Variants in TENM1 observed in about 807,000 individuals in gnomAD.
TENM1 encodes teneurin transmembrane protein 1.
A neutral mutation model predicts 174.8 loss-of-function variants in TENM1; 35 were observed. That is an observed-to-expected ratio of 0.20 (90% CI 0.15 to 0.27). TENM1 has a LOEUF of 0.27. Ranked by LOEUF, TENM1 falls within the 10% of genes least tolerant of loss-of-function variation. The probability of loss-of-function intolerance (pLI) is 1.00; values close to 1 mark genes in which losing one functional copy is unlikely to be tolerated. For missense variants in TENM1, 1,633 were observed against 2,130.1 expected, an observed-to-expected ratio of 0.77 and a Z score of 4.59; for synonymous variants, 781 against 798.7, an observed-to-expected ratio of 0.98 and a Z score of 0.37.
At chrX:125,005,201 C>G in the TENM1 span, among the ~76,000 whole-genome samples, 126 of 101,511 alleles carry the variant, frequency 1.2e-3, 1 homozygote, top group Non-Finnish European at 1.8e-3. Context: ...CACACACACA[C>G]ACACACACAC....
intron 31 of TENM1, 40 bp downstream of exon 34, chrX:124,382,630 G>A (rs1209266623): frequency 8.5e-7 from 1 of 1,178,944 alleles, no homozygotes; most frequent in Admixed American, 2.4e-5. Context: ...ATGCCCTTCT[G>A]TTGTTTCAGC....
At chrX:124,390,239 C>T (rs1050326932) in intron 28 of TENM1, among the ~76,000 whole-genome samples, 1 of 112,559 alleles carries the variant, frequency 8.9e-6, no homozygotes, top group Non-Finnish European at 1.9e-5. Flanking sequence ...ACAATAAAAT[C>T]TCCTCATTGG....
At chrX:124,564,904 C>T (rs1173988714) in intron 12 of TENM1, among the ~76,000 whole-genome samples, 1 of 111,061 alleles carries the variant, frequency 9.0e-6, no homozygotes, top group Non-Finnish European at 1.9e-5. Context: ...GTCAGAAGTG[C>T]CTTCCTCATA....
chrX:124,880,080 A>G (rs2057277253), intron 3 of TENM1, among the ~76,000 whole-genome samples: 1 of 111,791 alleles, frequency 8.9e-6, no homozygotes, highest in African/African-American at 3.2e-5. Context: ...TTTCTGTGAA[A>G]AATGACAGTG....
chrX:124,868,988 G>A (rs1190677992), intron 3 of TENM1, among the ~76,000 whole-genome samples: 1 of 107,793 alleles, frequency 9.3e-6, no homozygotes, highest in Non-Finnish European at 1.9e-5. Context: ...ACTTTGGGAG[G>A]CCGAGGCAGG....
intron 1 of TENM1, among the ~76,000 whole-genome samples, chrX:124,916,168 A>T (rs1313431701): frequency 8.9e-6 from 1 of 111,801 alleles, no homozygotes; most frequent in Non-Finnish European, 1.9e-5. Context: ...TAGACTTGTG[A>T]TCTGAAAAGC....
chrX:124,667,869 A>AAT (rs200376624), intron 6 of TENM1, among the ~76,000 whole-genome samples: 7,595 of 109,799 alleles, frequency 0.069, 510 homozygotes, highest in African/African-American at 0.21. Context: ...GCAGATATAT[A>AAT]ATATATATAT....
chrX:124,690,484 AGTGTGTGTGTGTGTGTGTGTGT>A (rs58386633), intron 5 of TENM1, among the ~76,000 whole-genome samples: 19 of 93,485 alleles, frequency 2.0e-4, no homozygotes, highest in Non-Finnish European at 3.9e-4. Context: ...GCTTTGTTAG[AGTGTGTGTGTGTGTGTGTGTGT>A]GTGTGTGTGT....
intron 4 of TENM1, among the ~76,000 whole-genome samples, chrX:124,724,179 T>C (rs1443738658): frequency 8.9e-6 from 1 of 111,888 alleles, no homozygotes; most frequent in East Asian, 2.8e-4. Flanking sequence ...TAATATGCAC[T>C]GTCTGCTTCC....
intron 23 of TENM1, among the ~76,000 whole-genome samples, chrX:124,436,936 CTTTT>C (rs34651854): frequency 7.8e-5 from 3 of 38,489 alleles, no homozygotes; most frequent in African/African-American, 1.1e-4. Flanking sequence ...CTGACTGCAT[CTTTT>C]TTTTTTTTTT....
rs2061311952 is a variant in TENM1, at chrX:124,471,298, T to TTACTATATATTATAATATATAGTACTATA, written c.3949+10433_3949+10434insTATAGTACTATATATTATAATATATAGTA. On this transcript the variant is annotated intron_variant, in intron 22 of 31. Transcript: ENST00000422452. Reference sequence around the variant, plus strand: ...TATATATAATATATAGTACTATATATTATAATATATAGTACTATATATTAT... The same window carrying TTACTATATATTATAATATATAGTACTATA: ...TATATATAATATATAGTACTATATATTACTATATATTATAATATATAGTACTATATATAATATATAGTACTATATATTAT... Among the ~76,000 whole-genome samples the TTACTATATATTATAATATATAGTACTATA allele has an allele frequency of 8.1e-5, 2 of 24,672 alleles. 1 individual carries two copies. The highest frequency in any genetic ancestry group is 3.9e-4 in the African/African-American group (2 of 5,194). The allele number at this position is 24,672 out of a possible 115,157, so 21.4% of individuals were successfully genotyped here. A position where few individuals can be genotyped will look rare whatever the true frequency, so the allele number is the denominator to read the frequency against.
At chrX:124,955,212 C>G (rs941588356) in intron 1 of TENM1, among the ~76,000 whole-genome samples, 2 of 110,155 alleles carry the variant, frequency 1.8e-5, no homozygotes, top group Non-Finnish European at 3.8e-5. Flanking sequence ...GCAGTGGATC[C>G]CTATCTTGGA....
chrX:125,172,816 T>TA, the TENM1 span, among the ~76,000 whole-genome samples: 4 of 110,120 alleles, frequency 3.6e-5, no homozygotes, highest in East Asian at 5.7e-4. Flanking sequence ...GGCTAATGGT[T>TA]AAAAAAAAAT....
chrX:125,059,986 T>C, the TENM1 span, among the ~76,000 whole-genome samples: 2 of 108,509 alleles, frequency 1.8e-5, no homozygotes, highest in East Asian at 2.9e-4. Context: ...GCCTTAAAAG[T>C]ATGGAAGCCT....
chrX:125,031,690 C>T, the TENM1 span, among the ~76,000 whole-genome samples: 10 of 111,652 alleles, frequency 9.0e-5, no homozygotes, highest in Non-Finnish European at 1.5e-4. Context: ...TTTTCAGAAA[C>T]GAGATGGCAT....
chrX:124,628,102 T>C (rs894518756), intron 11 of TENM1, among the ~76,000 whole-genome samples: 8 of 111,680 alleles, frequency 7.2e-5, no homozygotes, highest in Non-Finnish European at 1.3e-4. Flanking sequence ...AGATTTAAAA[T>C]GGTTACCCTT....
At chrX:125,104,991 CATTT>C in the TENM1 span, among the ~76,000 whole-genome samples, 1 of 111,483 alleles carries the variant, frequency 9.0e-6, no homozygotes, top group African/African-American at 3.3e-5. Flanking sequence ...CACATTCATT[CATTT>C]CTCTATAGTT....
At chrX:124,380,469 T>C in exon 32 of TENM1, 2 of 1,066,335 alleles carry the variant, frequency 1.9e-6, no homozygotes, top group Non-Finnish European at 2.5e-6. Flanking sequence ...AGAAAACCAA[T>C]ACAATAAACC....
chrX:124,587,225 T>C (rs375890038), intron 11 of TENM1, among the ~76,000 whole-genome samples: 20,399 of 109,253 alleles, frequency 0.19, 1,555 homozygotes, highest in South Asian at 0.31. Context: ...GAGCCCGCAT[T>C]GCCAAGTCAA....
Sources: gnomAD v4.1 joint callset for allele counts (sites outside exome capture counted in the v4.1 genomes callset) on GRCh38, gnomAD v4.1.1 for gene constraint, MANE v1.5 for transcripts, NCBI Gene and HGNC (gene_info 2026-07-23, HGNC 2026-07-21) for gene names.